PCDH7: variants seen among roughly 807,000 people sequenced by gnomAD.
PCDH7 encodes the protein protocadherin-7.
Under a neutral mutation model 58.9 loss-of-function variants are expected in PCDH7, and 17 were observed. The ratio of observed to expected loss-of-function variants is 0.29; its 90% confidence interval spans 0.20 to 0.43. The LOEUF (loss-of-function observed/expected upper bound fraction) is 0.43, where lower values mean the gene tolerates loss of function less well. Ranked by LOEUF, PCDH7 falls within the 20% of genes least tolerant of loss-of-function variation. The pLI, the probability that PCDH7 is intolerant of heterozygous loss-of-function variation, is 1.00. For synonymous variants in PCDH7, 664 were observed against 616.4 expected (o/e 1.08, Z -1.14); for missense variants, 1,274 against 1,441.0 (o/e 0.88, Z 1.88).
At chr4:31,111,057 C>T (rs1322044484) in intron 3 of PCDH7, among the ~76,000 whole-genome samples, 4 of 151,984 alleles carry the variant, frequency 2.6e-5, no homozygotes, top group Non-Finnish European at 5.9e-5. Context: ...GGAATTACAG[C>T]TATCATAGTG....
chr4:30,755,982 G>A (rs978916034), intron 1 of PCDH7, among the ~76,000 whole-genome samples: 1 of 152,098 alleles, frequency 6.6e-6, no homozygotes, highest in African/African-American at 2.4e-5. Context: ...AGGAGGCTGA[G>A]GCAGGAGAAT....
chr4:30,721,215 A>G lies in PCDH7; in HGVS notation c.-208A>G. On this transcript the variant is annotated 5_prime_UTR_variant, in exon 1 of 2. Coordinates refer to ENST00000361762, the Ensembl canonical transcript of PCDH7. The surrounding 1 kb of genome is among the most constrained non-coding windows in gnomAD (Gnocchi z 6.7). Reference sequence around the variant, plus strand: ...AATAACTTTCGGAAGAAGCAGGAGGAAAAAAAGAAGCATCTATCGCTGCCC... The same window carrying G: ...AATAACTTTCGGAAGAAGCAGGAGGGAAAAAAGAAGCATCTATCGCTGCCC... The G allele has an allele frequency of 3.7e-6, 2 of 538,694 alleles. No individual in the cohort carries two copies. Among genetic ancestry groups the G allele is most frequent in the Non-Finnish European group, 6.5e-6 (2 of 307,988 alleles). The allele number at this position is 538,694 out of a possible 1,614,324, so 33.4% of individuals were successfully genotyped here. A position where few individuals can be genotyped will look rare whatever the true frequency, so the allele number is the denominator to read the frequency against.
intron 1 of PCDH7, among the ~76,000 whole-genome samples, chr4:30,778,435 T>C (rs781649447): frequency 1.3e-5 from 2 of 152,178 alleles, no homozygotes; most frequent in African/African-American, 4.8e-5. Context: ...TAAAATTATA[T>C]GCTATATTGA....
downstream of PCDH7, among the ~76,000 whole-genome samples, chr4:30,737,799 G>C (rs1186326139): frequency 6.6e-6 from 1 of 152,152 alleles, no homozygotes; most frequent in East Asian, 1.9e-4. Flanking sequence ...ACAATAGTTT[G>C]ATAACATTCT....
At chr4:31,142,764 A>T in exon 4 of PCDH7, 1 of 1,367,466 alleles carries the variant, frequency 7.3e-7, no homozygotes, top group South Asian at 1.1e-5. Flanking sequence ...GAGGAAGCCA[A>T]CCCTGAGGAT....
intron 3 of PCDH7, among the ~76,000 whole-genome samples, chr4:30,983,500 A>G (rs1311973014): frequency 6.6e-6 from 1 of 152,188 alleles, no homozygotes; most frequent in Non-Finnish European, 1.5e-5. Flanking sequence ...AACTTACGGA[A>G]TTTCAAAGAA....
intron 1 of PCDH7, among the ~76,000 whole-genome samples, chr4:30,817,380 A>C (rs1727817688): frequency 6.6e-6 from 1 of 152,156 alleles, no homozygotes; most frequent in African/African-American, 2.4e-5. Flanking sequence ...GTATTTTGAA[A>C]TTTGGTTTTT....
At chr4:31,007,713 A>G (rs1204837534) in intron 3 of PCDH7, among the ~76,000 whole-genome samples, 1 of 152,056 alleles carries the variant, frequency 6.6e-6, no homozygotes, top group Non-Finnish European at 1.5e-5. Context: ...GAGTAAATCT[A>G]GTAATTGTGT....
At chr4:30,845,882 C>T (rs1731877766) in intron 1 of PCDH7, among the ~76,000 whole-genome samples, 1 of 152,094 alleles carries the variant, frequency 6.6e-6, no homozygotes, top group African/African-American at 2.4e-5. Flanking sequence ...TGTAAACCAC[C>T]ACACTTGGCC....
intron 1 of PCDH7, among the ~76,000 whole-genome samples, chr4:30,821,817 A>G (rs1046748845): frequency 1.3e-5 from 2 of 152,184 alleles, no homozygotes; most frequent in African/African-American, 4.8e-5. Flanking sequence ...ATCCTTCTGC[A>G]TACAATTTTA....
intron 3 of PCDH7, among the ~76,000 whole-genome samples, chr4:31,120,909 C>G (rs905333912): frequency 6.6e-6 from 1 of 152,154 alleles, no homozygotes; most frequent in Non-Finnish European, 1.5e-5. Context: ...AAAGAAGATG[C>G]CTTCAATTGT....
At chr4:31,023,589 A>C (rs1754198590) in intron 3 of PCDH7, among the ~76,000 whole-genome samples, 1 of 152,218 alleles carries the variant, frequency 6.6e-6, no homozygotes, top group Non-Finnish European at 1.5e-5. Flanking sequence ...TGTGCAGGTA[A>C]GAAACTAAAA....
intron 3 of PCDH7, among the ~76,000 whole-genome samples, chr4:30,988,588 A>G (rs371203550): frequency 2.6e-5 from 4 of 152,144 alleles, no homozygotes; most frequent in Non-Finnish European, 5.9e-5. Context: ...ACTATTTATC[A>G]TTTAAGTTAT....
intron 1 of PCDH7, among the ~76,000 whole-genome samples, chr4:30,803,395 C>A (rs1417572252): frequency 6.6e-6 from 1 of 151,918 alleles, no homozygotes; most frequent in Non-Finnish European, 1.5e-5. Flanking sequence ...ACAATAGAAA[C>A]AACAAAAGCA....
At chr4:30,964,246 A>ATT (rs1403767312) in intron 3 of PCDH7, among the ~76,000 whole-genome samples, 2 of 48,996 alleles carry the variant, frequency 4.1e-5, no homozygotes, top group East Asian at 5.1e-4. Context: ...TTATTTATTT[A>ATT]TTTATTTTTT....
intron 1 of PCDH7, among the ~76,000 whole-genome samples, chr4:30,834,010 T>C (rs1031802788): frequency 1.3e-5 from 2 of 151,988 alleles, no homozygotes; most frequent in Admixed American, 6.6e-5. Context: ...ATTAGAAATT[T>C]AGATCTACCC....
At chr4:30,917,917 C>T (rs1243730018) in intron 1 of PCDH7, among the ~76,000 whole-genome samples, 6 of 152,038 alleles carry the variant, frequency 3.9e-5, no homozygotes, top group Non-Finnish European at 8.8e-5. Context: ...TTTTTTTCTA[C>T]TTTTATATCA....
intron 3 of PCDH7, among the ~76,000 whole-genome samples, chr4:30,971,515 A>G (rs1749580123): frequency 6.6e-6 from 1 of 152,204 alleles, no homozygotes; most frequent in African/African-American, 2.4e-5. Context: ...GTAGTCCTCA[A>G]GCCATCTGCA....
At chr4:30,931,681 G>T (rs1744622734) in intron 2 of PCDH7, among the ~76,000 whole-genome samples, 1 of 151,790 alleles carries the variant, frequency 6.6e-6, no homozygotes, top group Non-Finnish European at 1.5e-5. Context: ...ACCAGAAAAT[G>T]GAATTAAGAA....
Sources: gnomAD v4.1 joint callset for allele counts (sites outside exome capture counted in the v4.1 genomes callset) on GRCh38, gnomAD v4.1.1 for gene constraint, Gnocchi (gnomAD v3.1) non-coding constraint, MANE v1.5 for transcripts, NCBI Gene and HGNC (gene_info 2026-07-23, HGNC 2026-07-21) for gene names.